The following CAMTA1 variants were observed in gnomAD, a reference collection of about 807,000 sequenced individuals.
CAMTA1 encodes the protein calmodulin-binding transcription activator 1.
In CAMTA1, 27 loss-of-function variants were observed where a neutral mutation model predicts 170.9. The observed-to-expected ratio is 0.16, with a 90% CI of 0.12 to 0.22. CAMTA1 has a LOEUF of 0.22. CAMTA1 is among the 10% of genes least tolerant of loss of function. The pLI, the probability that CAMTA1 is intolerant of heterozygous loss-of-function variation, is 1.00. For synonymous variants in CAMTA1, 833 were observed against 891.5 expected, an observed-to-expected ratio of 0.93 and a Z score of 1.17; for missense variants, 1,619 against 2,217.2, an observed-to-expected ratio of 0.73 and a Z score of 5.42.
intron 5 of CAMTA1, among the ~76,000 whole-genome samples, chr1:7,431,585 C>T (rs1035253897): frequency 6.6e-6 from 1 of 152,204 alleles, no homozygotes; most frequent in South Asian, 2.1e-4. Flanking sequence ...ACTGCCCTCC[C>T]GAATGGACGG....
intron 3 of CAMTA1, among the ~76,000 whole-genome samples, chr1:6,897,341 A>G (rs1239943306): frequency 6.6e-6 from 1 of 152,208 alleles, no homozygotes; most frequent in African/African-American, 2.4e-5. Flanking sequence ...TCCCATGGTG[A>G]CAAGCTGCTG....
intron 3 of CAMTA1, among the ~76,000 whole-genome samples, chr1:6,929,994 C>T (rs979408124): frequency 4.6e-5 from 7 of 152,280 alleles, no homozygotes; most frequent in African/African-American, 1.7e-4. Context: ...GTATTTGTCC[C>T]CTACACCAGG....
intron 4 of CAMTA1, among the ~76,000 whole-genome samples, chr1:7,152,209 G>A (rs577500329): frequency 4.6e-5 from 7 of 152,148 alleles, no homozygotes; most frequent in African/African-American, 1.2e-4. Context: ...CACAGCCTCC[G>A]CCATGGGAAG....
intron 4 of CAMTA1, among the ~76,000 whole-genome samples, chr1:7,171,241 A>T (rs1303548088): frequency 6.6e-6 from 1 of 152,286 alleles, no homozygotes; most frequent in African/African-American, 2.4e-5. Context: ...CACATCTATC[A>T]TTTCCATCAG....
chr1:7,594,142 G>GGAAGGAAA (rs1491333871), intron 6 of CAMTA1, among the ~76,000 whole-genome samples: 11 of 125,572 alleles, frequency 8.8e-5, no homozygotes, highest in African/African-American at 3.4e-4. Context: ...AAAGAAAGAA[G>GGAAGGAAA]GAAGGAAGGA....
At chr1:7,012,721 T>TGTGGTGA (rs1304102001) in intron 3 of CAMTA1, among the ~76,000 whole-genome samples, 2 of 152,204 alleles carry the variant, frequency 1.3e-5, no homozygotes, top group African/African-American at 4.8e-5. Flanking sequence ...CCACTGGGGC[T>TGTGGTGA]GCCCTTTCTC....
intron 4 of CAMTA1, among the ~76,000 whole-genome samples, chr1:7,193,905 A>G (rs1396350185): frequency 6.6e-6 from 1 of 152,138 alleles, no homozygotes; most frequent in Non-Finnish European, 1.5e-5. Context: ...GTCTCCCACC[A>G]TCTCTGAGGC....
Position 6,972,555 on chromosome 1 carries a change from C to T in CAMTA1, c.235-118749C>T, listed in dbSNP as rs143017716. Among the ~76,000 whole-genome samples the T allele has an allele frequency of 1.6e-4, 25 of 152,238 alleles. No individual in the cohort carries two copies. The Middle Eastern group carries it at 0.01, about 62-fold the overall frequency. ...GCATCAGGGTGCTGACCAGGCAACA[C>T]GGTCCCTGCCCTCGGTGAGCTTATG... On this transcript the variant is annotated intron_variant, in intron 3 of 22. Coordinates refer to ENST00000303635, the MANE Select transcript of CAMTA1 (RefSeq NM_015215.4).
intron 5 of CAMTA1, among the ~76,000 whole-genome samples, chr1:7,416,380 G>A (rs1030930601): frequency 1.4e-4 from 22 of 152,132 alleles, no homozygotes; most frequent in African/African-American, 4.8e-4. Flanking sequence ...CATTCTCCCC[G>A]TCACTTTCAG....
At chr1:7,136,022 C>T (rs1184468757) in intron 4 of CAMTA1, among the ~76,000 whole-genome samples, 1 of 152,182 alleles carries the variant, frequency 6.6e-6, no homozygotes, top group Non-Finnish European at 1.5e-5. Flanking sequence ...TCTCGCAGCC[C>T]AGTGTGGCTG....
chr1:7,529,340 G>T (rs558609536), intron 6 of CAMTA1, among the ~76,000 whole-genome samples: 1 of 152,192 alleles, frequency 6.6e-6, no homozygotes, highest in South Asian at 2.1e-4. Flanking sequence ...TCTTGTGTGA[G>T]CTGGGGCTCT....
At chr1:7,359,881 C>T (rs184526927) in intron 5 of CAMTA1, among the ~76,000 whole-genome samples, 1 of 152,206 alleles carries the variant, frequency 6.6e-6, no homozygotes, top group African/African-American at 2.4e-5. Context: ...CCACAAACGG[C>T]GTGGCTTAAA....
At chr1:7,328,976 G>T (rs1006267117) in intron 5 of CAMTA1, among the ~76,000 whole-genome samples, 1 of 152,010 alleles carries the variant, frequency 6.6e-6, no homozygotes, top group Non-Finnish European at 1.5e-5. Context: ...TCTCACATAT[G>T]GAGAATTGAG....
intron 3 of CAMTA1, among the ~76,000 whole-genome samples, chr1:6,931,302 T>C (rs1005443440): frequency 1.3e-5 from 2 of 152,190 alleles, no homozygotes; most frequent in African/African-American, 4.8e-5. Flanking sequence ...AGGTAATATG[T>C]GTTCGGCGAG....
At chr1:7,586,606 C>T (rs937578156) in intron 6 of CAMTA1, among the ~76,000 whole-genome samples, 2 of 152,192 alleles carry the variant, frequency 1.3e-5, no homozygotes, top group African/African-American at 4.8e-5. Flanking sequence ...CCCCAGCACT[C>T]CTCTGCCCTC....
intron 3 of CAMTA1, among the ~76,000 whole-genome samples, chr1:6,952,102 C>T (rs977944810): frequency 1.3e-5 from 2 of 152,136 alleles, no homozygotes; most frequent in Non-Finnish European, 2.9e-5. Context: ...AGAAGGAAAA[C>T]AATACTGGGT....
At chr1:6,952,670 T>TA (rs1381283956) in intron 3 of CAMTA1, among the ~76,000 whole-genome samples, 1 of 151,330 alleles carries the variant, frequency 6.6e-6, no homozygotes. Flanking sequence ...CTGTCTCTAC[T>TA]AAAAAATACA....
chr1:7,407,680 G>A (rs756169578), intron 5 of CAMTA1, among the ~76,000 whole-genome samples: 9 of 152,110 alleles, frequency 5.9e-5, no homozygotes, highest in Non-Finnish European at 8.8e-5. Context: ...GCGCGTCTCC[G>A]TCCAACGCAC....
At chr1:6,966,355 C>T (rs1189339977) in intron 3 of CAMTA1, among the ~76,000 whole-genome samples, 1 of 152,118 alleles carries the variant, frequency 6.6e-6, no homozygotes, top group Non-Finnish European at 1.5e-5. Context: ...CCTCATCCTC[C>T]CTAGCCCTAA....
Sources: gnomAD v4.1 joint callset for allele counts (sites outside exome capture counted in the v4.1 genomes callset) on GRCh38, gnomAD v4.1.1 for gene constraint, MANE v1.5 for transcripts, NCBI Gene and HGNC (gene_info 2026-07-23, HGNC 2026-07-21) for gene names.